DNAH6: variants seen among roughly 807,000 people sequenced by gnomAD.
DNAH6 encodes the protein axonemal beta dynein heavy chain 6.
Under a neutral mutation model 491.4 loss-of-function variants are expected in DNAH6, and 340 were observed. That is an observed-to-expected ratio of 0.69 (90% confidence interval 0.63 to 0.76). The LOEUF is 0.76. Among genes scored for constraint, DNAH6 ranks in the 30% least tolerant of loss-of-function variants. DNAH6 has a pLI of 0.00. For missense variants in DNAH6, 4,443 were observed against 4,972.2 expected, an observed-to-expected ratio of 0.89 and a Z score of 3.20; for synonymous variants, 1,603 against 1,686.1, an observed-to-expected ratio of 0.95 and a Z score of 1.21.
At chr2:84,742,657 T>G (rs1388226549) in intron 62 of DNAH6, among the ~76,000 whole-genome samples, 3 of 152,224 alleles carry the variant, frequency 2.0e-5, no homozygotes, top group African/African-American at 7.2e-5. Flanking sequence ...CAGCTTTTTC[T>G]TTGCTTCCTT....
In DNAH6 at chr2:84,605,543, AC is replaced by A; in HGVS notation, c.3127del (p.Arg1043ValfsTer38). On this transcript the variant is annotated frameshift_variant, in exon 20 of 77. Coordinates refer to ENST00000389394, the MANE Select transcript of DNAH6 (RefSeq NM_001370.2). LOFTEE classifies it high-confidence loss of function. ...ACAACTGAATTTGTCATTCTGCCTC[AC>A]CGTGACTCCAAAGATGTGTTTATAC... ...WKTTEFVILP[H>X]RDSKDVFILG... is the part of the protein sequence containing the mutation. The A allele has an allele frequency of 6.4e-7, 1 of 1,551,612 alleles. No individual in the cohort carries two copies. Among genetic ancestry groups the A allele is most frequent in the Non-Finnish European group, 8.7e-7 (1 of 1,146,908 alleles).
intron 42 of DNAH6, among the ~76,000 whole-genome samples, chr2:84,682,044 C>T (rs777619454): frequency 3.9e-5 from 6 of 152,174 alleles, no homozygotes; most frequent in Non-Finnish European, 8.8e-5. Context: ...CCTGATGGTA[C>T]CCCTCCCATT....
chr2:84,616,277 G>T (rs531486911), intron 22 of DNAH6, among the ~76,000 whole-genome samples: 2 of 152,058 alleles, frequency 1.3e-5, no homozygotes, highest in East Asian at 3.9e-4. Context: ...TGTCAGTGGA[G>T]TATTGAAGTC....
In DNAH6 at chr2:84,588,867, A is replaced by G. The variant is rs1683820799; in HGVS notation, c.2523A>G (p.Ile841Met). The G allele has an allele frequency of 6.4e-7, 1 of 1,550,716 alleles. No individual in the cohort carries two copies. Among genetic ancestry groups the G allele is most frequent in the Admixed American group, 2.0e-5 (1 of 50,874 alleles). Residue 841 changes from isoleucine (I) to methionine (M), a missense_variant, in exon 16 of 77, where the codon ATA becomes ATG. Physicochemically the swap from Ile to Met is conservative, Grantham distance 10. Around this residue, in one of 3 missense-constraint regions of DNAH6, gnomAD observed 2,977 missense variants for 3,296.6 expected, o/e 0.90. Transcript: ENST00000389394. ...ILDISADQDK[I>M]RLILNNLQSV... Reference sequence around the variant, plus strand: ...ATATCTCTGCTGACCAAGACAAAATAAGGCTCATATTGAATAATCTGCAAT... The same window carrying G: ...ATATCTCTGCTGACCAAGACAAAATGAGGCTCATATTGAATAATCTGCAAT...
chr2:84,646,046 G>A (rs1689859296), intron 33 of DNAH6, among the ~76,000 whole-genome samples: 1 of 152,184 alleles, frequency 6.6e-6, no homozygotes, highest in Admixed American at 6.5e-5. Flanking sequence ...CCTTCATGAA[G>A]CAAGTTTATC....
At chr2:84,770,994 A>G (rs1360995449) in intron 64 of DNAH6, among the ~76,000 whole-genome samples, 1 of 151,394 alleles carries the variant, frequency 6.6e-6, no homozygotes, top group Non-Finnish European at 1.5e-5. Flanking sequence ...TCTGTCAAAA[A>G]AAAAAAAATG....
chr2:84,740,952 A>T (rs2105023007), intron 62 of DNAH6, among the ~76,000 whole-genome samples: 1 of 152,180 alleles, frequency 6.6e-6, no homozygotes, highest in African/African-American at 2.4e-5. Flanking sequence ...CCTAAGACCA[A>T]AATGCTTGCT....
At chr2:84,801,962 G>C (rs1678965643) in intron 70 of DNAH6, among the ~76,000 whole-genome samples, 1 of 151,442 alleles carries the variant, frequency 6.6e-6, no homozygotes, top group African/African-American at 2.4e-5. Flanking sequence ...GCCAAACTAA[G>C]CCTTATAAAC....
At chr2:84,594,176 G>C (rs886622614) in intron 17 of DNAH6, 91 bp downstream of exon 17, 2 of 540,544 alleles carry the variant, frequency 3.7e-6, no homozygotes, top group East Asian at 8.9e-5. Context: ...TTAACAATCT[G>C]GTGCTTTTCT....
chr2:84,711,702 A>T (rs1294900927), intron 56 of DNAH6, among the ~76,000 whole-genome samples: 2 of 152,212 alleles, frequency 1.3e-5, no homozygotes, highest in Non-Finnish European at 2.9e-5. Context: ...TTGCCTGCCT[A>T]GGAAATCCAC....
At chr2:84,755,434 A>G (rs1004390842) in intron 63 of DNAH6, among the ~76,000 whole-genome samples, 6 of 152,206 alleles carry the variant, frequency 3.9e-5, no homozygotes, top group Non-Finnish European at 7.3e-5. Flanking sequence ...TTATAGCAGC[A>G]CAAAACAGAC....
the DNAH6 span, among the ~76,000 whole-genome samples, chr2:84,480,657 G>C: frequency 6.6e-6 from 1 of 152,140 alleles, no homozygotes; most frequent in Non-Finnish European, 1.5e-5. Context: ...GACATAGCTG[G>C]ATCCAGTTAC....
chr2:84,633,107 G>C (rs1299067251), intron 29 of DNAH6, among the ~76,000 whole-genome samples: 2 of 152,166 alleles, frequency 1.3e-5, no homozygotes, highest in Non-Finnish European at 2.9e-5. Flanking sequence ...ACACGGAGCA[G>C]CCAGTAAGTG....
intron 39 of DNAH6, among the ~76,000 whole-genome samples, chr2:84,671,674 G>T (rs1164201435): frequency 1.3e-5 from 2 of 152,280 alleles, no homozygotes; most frequent in South Asian, 2.1e-4. Context: ...TGGCTTCCAG[G>T]GGGCCACAGG....
At chr2:84,720,267 CTTTTTTTTTTTTT>C (rs56944137) in intron 59 of DNAH6, among the ~76,000 whole-genome samples, 3 of 49,480 alleles carry the variant, frequency 6.1e-5, no homozygotes, top group Non-Finnish European at 1.1e-4. Flanking sequence ...AAGAGTGCTT[CTTTTTTTTTTTTT>C]TTTTTTTTTT....
At chr2:84,775,298 G>T (rs1265857188) in intron 64 of DNAH6, among the ~76,000 whole-genome samples, 1 of 152,038 alleles carries the variant, frequency 6.6e-6, no homozygotes, top group Non-Finnish European at 1.5e-5. Context: ...TTCAGTTTTT[G>T]TGGTGAGTCA....
chr2:84,561,196 A>T (rs1680634677), intron 11 of DNAH6, among the ~76,000 whole-genome samples: 1 of 152,204 alleles, frequency 6.6e-6, no homozygotes, highest in Admixed American at 6.5e-5. Context: ...AGAGATATAG[A>T]TCAATGGAAC....
At chr2:84,541,235 TC>T (rs1678212275) in intron 4 of DNAH6, among the ~76,000 whole-genome samples, 1 of 152,036 alleles carries the variant, frequency 6.6e-6, no homozygotes, top group Non-Finnish European at 1.5e-5. Context: ...AACACACCAG[TC>T]CAAGGAGTAG....
At chr2:84,548,224 CA>C in intron 7 of DNAH6, 63 bp from the exon 8 acceptor site, 1 of 1,442,980 alleles carries the variant, frequency 6.9e-7, no homozygotes, top group Non-Finnish European at 9.3e-7. Context: ...TTCTTTGAAT[CA>C]TATTGAAAGA....
Sources: gnomAD v4.1 joint callset for allele counts (sites outside exome capture counted in the v4.1 genomes callset) on GRCh38, gnomAD v4.1.1 for gene constraint, gnomAD v4.1.1 regional missense constraint, MANE v1.5 for transcripts, NCBI Gene and HGNC (gene_info 2026-07-23, HGNC 2026-07-21) for gene names.